The following ROBO2 variants were observed in gnomAD, a reference collection of about 807,000 sequenced individuals.
The protein encoded by ROBO2 is roundabout guidance receptor 2.
In ROBO2, 53 loss-of-function variants were observed where a neutral mutation model predicts 160.8. The observed-to-expected ratio is 0.33, with a 90% confidence interval of 0.26 to 0.41. The LOEUF (loss-of-function observed/expected upper bound fraction) is 0.41, where lower values mean the gene tolerates loss of function less well. ROBO2 is among the 10% of genes least tolerant of loss of function. ROBO2 has a pLI of 1.00. For synonymous variants in ROBO2, 664 were observed against 611.7 expected (o/e 1.09, Z -1.26); for missense variants, 1,577 against 1,722.4 (o/e 0.92, Z 1.49).
intron 2 of ROBO2, among the ~76,000 whole-genome samples, chr3:76,798,044 A>G (rs1423986349): frequency 6.6e-6 from 1 of 151,512 alleles, no homozygotes; most frequent in Non-Finnish European, 1.5e-5. Flanking sequence ...AAATTTTTCC[A>G]AACTCATTCT....
chr3:76,151,759 G>A (rs188482684), intron 2 of ROBO2, among the ~76,000 whole-genome samples: 87 of 152,068 alleles, frequency 5.7e-4, no homozygotes, highest in African/African-American at 2.1e-3. Context: ...TCAAGAGAGG[G>A]GACAAAACCT....
intron 22 of ROBO2, among the ~76,000 whole-genome samples, chr3:77,621,944 T>C (rs748357494): frequency 3.9e-5 from 6 of 152,192 alleles, no homozygotes; most frequent in African/African-American, 9.7e-5. Flanking sequence ...CCTAGTCCCC[T>C]CTAGATAACT....
At chr3:77,396,130 T>G (rs564322829) in intron 2 of ROBO2, among the ~76,000 whole-genome samples, 155 of 152,122 alleles carry the variant, frequency 1.0e-3, no homozygotes, top group African/African-American at 3.4e-3. Flanking sequence ...GAGTTAAAAT[T>G]CTGAGGATTA....
chr3:76,939,493 TA>T (rs971060299), intron 2 of ROBO2, among the ~76,000 whole-genome samples: 1 of 152,074 alleles, frequency 6.6e-6, no homozygotes, highest in African/African-American at 2.4e-5. Flanking sequence ...AGCAGAGGTT[TA>T]AATCCCCTCT....
rs199824539 is a variant in ROBO2 at position 76,257,296 on chromosome 3, A to ATG, written c.109+319709_109+319710dup. ...CTTCTATGTGTGCACACACGTGCAT[A>ATG]TGTGTGTGTGTGTGTGAACACCTCA... On this transcript the variant is annotated intron_variant, in intron 2 of 26. Coordinates refer to the ROBO2 transcript ENST00000487694. Among the ~76,000 whole-genome samples, 643 of 151,376 alleles carry ATG rather than the reference A, an allele frequency of 4.2e-3. 5 individuals carry two copies. Among genetic ancestry groups the ATG allele is most frequent in the African/African-American group, 0.014 (586 of 41,326 alleles).
intron 1 of ROBO2, among the ~76,000 whole-genome samples, 189 bp downstream of exon 1, chr3:77,041,035 G>A (rs1426852208): frequency 2.0e-5 from 3 of 152,140 alleles, no homozygotes; most frequent in African/African-American, 7.2e-5. Context: ...TGCTGTAAGT[G>A]GAATGTGTTG....
intron 2 of ROBO2, among the ~76,000 whole-genome samples, chr3:76,072,898 T>A (rs1288999830): frequency 6.6e-6 from 1 of 152,220 alleles, no homozygotes; most frequent in Non-Finnish European, 1.5e-5. Context: ...CAGACCTCTG[T>A]TTCCTCATTT....
intron 2 of ROBO2, among the ~76,000 whole-genome samples, chr3:76,689,506 A>G (rs1228474526): frequency 6.6e-6 from 1 of 152,074 alleles, no homozygotes; most frequent in Non-Finnish European, 1.5e-5. Flanking sequence ...TTTTCTAGCT[A>G]TTTTGAAATA....
At chr3:77,195,287 T>C (rs952644107) in intron 2 of ROBO2, among the ~76,000 whole-genome samples, 3 of 152,192 alleles carry the variant, frequency 2.0e-5, no homozygotes, top group Non-Finnish European at 4.4e-5. Flanking sequence ...TTTTTACATG[T>C]CCAATACTTT....
chr3:76,587,861 G>A (rs2108793647), intron 2 of ROBO2, among the ~76,000 whole-genome samples: 1 of 151,940 alleles, frequency 6.6e-6, no homozygotes, highest in East Asian at 1.9e-4. Flanking sequence ...CCAATGTGTG[G>A]TCGACAGAGT....
intron 2 of ROBO2, among the ~76,000 whole-genome samples, chr3:76,957,601 G>A (rs1417604382): frequency 6.6e-6 from 1 of 152,026 alleles, no homozygotes; most frequent in Non-Finnish European, 1.5e-5. Flanking sequence ...GGGAGGCCAA[G>A]GAGAGCAGAT....
chr3:76,734,018 C>T (rs1205818515), intron 2 of ROBO2, among the ~76,000 whole-genome samples: 1 of 152,082 alleles, frequency 6.6e-6, no homozygotes, highest in African/African-American at 2.4e-5. Context: ...GCATCTTTCC[C>T]ATGTCTCTGC....
At chr3:76,373,484 G>A (rs529245765) in intron 2 of ROBO2, among the ~76,000 whole-genome samples, 10 of 151,994 alleles carry the variant, frequency 6.6e-5, no homozygotes, top group African/African-American at 2.4e-5. Context: ...GGAGCACTTG[G>A]ATGGCCCATA....
At chr3:77,580,139 T>C (rs1272231446) in intron 16 of ROBO2, 21 bp downstream of exon 17, 3 of 1,612,824 alleles carry the variant, frequency 1.9e-6, no homozygotes, top group South Asian at 2.2e-5. Flanking sequence ...AACTATGTGG[T>C]CTGTGCTTTA....
intron 1 of ROBO2, among the ~76,000 whole-genome samples, chr3:77,096,289 G>A (rs1578926817): frequency 6.6e-6 from 1 of 151,928 alleles, no homozygotes; most frequent in Admixed American, 6.6e-5. Context: ...ATTCCTCTCA[G>A]CATCTCCTTT....
intron 2 of ROBO2, among the ~76,000 whole-genome samples, chr3:76,122,612 T>A (rs566226452): frequency 6.6e-6 from 1 of 152,154 alleles, no homozygotes; most frequent in Non-Finnish European, 1.5e-5. Flanking sequence ...TCTTTCAAGA[T>A]ACAGACTTTG....
At chr3:77,379,784 C>T (rs1239988987) in intron 2 of ROBO2, among the ~76,000 whole-genome samples, 3 of 152,110 alleles carry the variant, frequency 2.0e-5, no homozygotes, top group Non-Finnish European at 4.4e-5. Context: ...AGGATCTCTT[C>T]CTGTTCCATC....
intron 2 of ROBO2, among the ~76,000 whole-genome samples, chr3:77,353,685 A>G (rs988372486): frequency 3.3e-5 from 5 of 151,912 alleles, no homozygotes; most frequent in Non-Finnish European, 7.4e-5. Context: ...TAATTTTTGT[A>G]CTTTTAGTAG....
At chr3:76,087,810 G>A (rs2069074312) in intron 2 of ROBO2, among the ~76,000 whole-genome samples, 1 of 151,948 alleles carries the variant, frequency 6.6e-6, no homozygotes, top group African/African-American at 2.4e-5. Flanking sequence ...TACCCATGAG[G>A]CAGTAAAGCA....
Sources: allele counts gnomAD v4.1 joint callset (sites outside exome capture counted in the v4.1 genomes callset), GRCh38; gene constraint gnomAD v4.1.1; transcripts MANE v1.5; gene names NCBI Gene and HGNC (gene_info 2026-07-23, HGNC 2026-07-21).